The following CTNNB1 variants were observed in gnomAD, a reference collection of about 807,000 sequenced individuals.
CTNNB1 encodes catenin beta-1.
In CTNNB1, 6 loss-of-function variants were observed where a neutral mutation model predicts 82.5. The observed-to-expected ratio is 0.07, with a 90% CI of 0.04 to 0.14. The LOEUF (loss-of-function observed/expected upper bound fraction) is 0.14. Among genes scored for constraint, CTNNB1 ranks in the 10% least tolerant of loss-of-function variants. CTNNB1 has a pLI of 1.00. For synonymous variants in CTNNB1, 312 were observed against 329.7 expected, an observed-to-expected ratio of 0.95 and a Z score of 0.58; for missense variants, 529 against 980.4, an observed-to-expected ratio of 0.54 and a Z score of 6.15.
At chr3:41,206,114 C>G (rs2077642149) in intron 1 of CTNNB1, among the ~76,000 whole-genome samples, 1 of 152,110 alleles carries the variant, frequency 6.6e-6, no homozygotes, top group Non-Finnish European at 1.5e-5. Context: ...TATTTTTTCA[C>G]TAATATCCCC....
At chr3:41,203,381 G>A (rs2077579109) in intron 1 of CTNNB1, among the ~76,000 whole-genome samples, 1 of 152,080 alleles carries the variant, frequency 6.6e-6, no homozygotes, top group Non-Finnish European at 1.5e-5. Flanking sequence ...CAGTAGAAAA[G>A]TCGGGAGGTT....
chr3:41,224,130 G>T, intron 2 of CTNNB1, 49 bp downstream of exon 2: 1 of 1,606,824 alleles, frequency 6.2e-7, no homozygotes, highest in Non-Finnish European at 8.5e-7. Context: ...CTGCTTCGTT[G>T]CCATTAAGCC....
chr3:41,201,915 G>T (rs1371727203), intron 1 of CTNNB1, among the ~76,000 whole-genome samples: 8 of 152,042 alleles, frequency 5.3e-5, no homozygotes, highest in African/African-American at 1.9e-4. Context: ...GGGTCTGTAT[G>T]CTTGTTTTAA....
intron 1 of CTNNB1, among the ~76,000 whole-genome samples, chr3:41,209,494 C>T (rs1304474930): frequency 6.6e-6 from 1 of 152,178 alleles, no homozygotes; most frequent in Non-Finnish European, 1.5e-5. Flanking sequence ...TATCTGAATT[C>T]TCTCTGCAAA....
chr3:41,228,536 T>TAAA (rs1176381639), intron 7 of CTNNB1, among the ~76,000 whole-genome samples: 2 of 152,276 alleles, frequency 1.3e-5, no homozygotes, highest in African/African-American at 2.4e-5. Context: ...AAGTGTCTGT[T>TAAA]CATGTCCTTT....
Position 41,232,136 on chromosome 3 carries a change from CT to C in CTNNB1, c.1082-1195del, listed in dbSNP as rs539840374. Among the ~76,000 whole-genome samples the C allele has an allele frequency of 2.2e-4, 33 of 147,866 alleles. 1 individual carries two copies. The South Asian group carries it at 6.3e-3, about 28-fold the overall frequency. On this transcript the variant is annotated intron_variant, in intron 7 of 14. Coordinates refer to ENST00000349496, the MANE Select transcript of CTNNB1 (RefSeq NM_001904.4). ...GTGCCACAGAGTCATCTGTATGGGA[CT>C]TTTTTTTTTACCCTAGAACTGCTGA...
rs772550053 is a variant in CTNNB1 at position 41,224,685 on chromosome 3, A to G, written c.173A>G (p.Asp58Gly). The G allele has an allele frequency of 4.3e-6, 7 of 1,613,856 alleles. No homozygotes were observed. The change falls in exon 3 of 15, where the codon GAT becomes GGT. Residue 58 changes from aspartate (D) to glycine (G), a missense_variant. This residue lies in a region of CTNNB1 where 411 missense variants were observed against 776.4 expected (regional missense o/e 0.53). Transcript: ENST00000349496. Reference sequence around the variant, plus strand: ...GGCAATCCTGAGGAAGAGGATGTGGATACCTCCCAAGTCCTGTATGAGTGG... The same window carrying G: ...GGCAATCCTGAGGAAGAGGATGTGGGTACCTCCCAAGTCCTGTATGAGTGG... ...GKGNPEEEDV[D>G]TSQVLYEWEQ...
chr3:41,204,907 G>A (rs1320450051), intron 1 of CTNNB1, among the ~76,000 whole-genome samples: 2 of 152,190 alleles, frequency 1.3e-5, no homozygotes, highest in African/African-American at 4.8e-5. Context: ...AGGCACTTGG[G>A]AAATGCCTTG....
intron 7 of CTNNB1, among the ~76,000 whole-genome samples, chr3:41,232,203 G>A (rs2078325273): frequency 1.3e-5 from 2 of 152,096 alleles, no homozygotes; most frequent in African/African-American, 4.8e-5. Flanking sequence ...AGGCCATTCT[G>A]ATGGACATCT....
chr3:41,239,015 G>A (rs1350652568), intron 14 of CTNNB1, 119 bp from the exon 15 acceptor site: 36 of 873,940 alleles, frequency 4.1e-5, no homozygotes, highest in Admixed American at 9.3e-5. Flanking sequence ...GTTGTTTTCT[G>A]ACAAGTTTGC....
Position 41,239,627 on chromosome 3 carries a change from A to AACATTAATAGCAGCCTTTCTCTCTTTAT in CTNNB1, c.*289_*316dup, listed in dbSNP as rs1455758346. The AACATTAATAGCAGCCTTTCTCTCTTTAT allele has an allele frequency of 1.6e-5, 8 of 493,132 alleles. No individual in the cohort carries two copies. The highest frequency in any genetic ancestry group is 1.5e-4 in the African/African-American group (8 of 52,264). 30.5% of individuals were successfully genotyped at this position (493,132 alleles called of 1,614,324 possible). On this transcript the variant is annotated 3_prime_UTR_variant, in exon 15 of 15. Coordinates refer to ENST00000349496, the MANE Select transcript of CTNNB1 (RefSeq NM_001904.4). Reference sequence around the variant, plus strand: ...CAAATGAGTAACATTTGCTGTTTTAAACATTAATAGCAGCCTTTCTCTCTT... The same window carrying AACATTAATAGCAGCCTTTCTCTCTTTAT: ...CAAATGAGTAACATTTGCTGTTTTAAACATTAATAGCAGCCTTTCTCTCTTTATACATTAATAGCAGCCTTTCTCTCTT...
intron 1 of CTNNB1, among the ~76,000 whole-genome samples, chr3:41,200,914 G>A (rs1249547173): frequency 6.6e-6 from 1 of 152,198 alleles, no homozygotes; most frequent in African/African-American, 2.4e-5. Context: ...GGTGAATGAA[G>A]AAAGACTAGG....
intron 1 of CTNNB1, among the ~76,000 whole-genome samples, chr3:41,215,736 G>A (rs1222924889): frequency 6.6e-6 from 1 of 152,114 alleles, no homozygotes; most frequent in Non-Finnish European, 1.5e-5. Context: ...AAGTCATTGA[G>A]TACCTGCCAT....
intron 6 of CTNNB1, among the ~76,000 whole-genome samples, chr3:41,226,256 C>A (rs1575318645): frequency 6.6e-6 from 1 of 152,340 alleles, no homozygotes; most frequent in Non-Finnish European, 1.5e-5. Flanking sequence ...ATGTAAAGCA[C>A]TATGCGAAGT....
Position 41,233,578 on chromosome 3 carries a change from A to G in CTNNB1, c.1235A>G (p.Asp412Gly), listed in dbSNP as rs779273262. The change falls in exon 9 of 15, where the codon GAT becomes GGT. Residue 412 changes from aspartate (D) to glycine (G), a missense_variant. Coordinates refer to ENST00000349496, the MANE Select transcript of CTNNB1 (RefSeq NM_001904.4). Reference sequence around the variant, plus strand: ...ACTCTTGTTCAGCTTCTGGGTTCAGATGATATAAATGTGGTCACCTGTGCA... The same window carrying G: ...ACTCTTGTTCAGCTTCTGGGTTCAGGTGATATAAATGTGGTCACCTGTGCA... ...LGTLVQLLGS[D>G]DINVVTCAAG... 6.2e-7 allele frequency: 1 copy of G among 1,614,182 alleles called. No individual in the cohort carries two copies. The highest frequency in any genetic ancestry group is 1.1e-5 in the South Asian group (1 of 91,082).
intron 1 of CTNNB1, among the ~76,000 whole-genome samples, chr3:41,208,623 C>T (rs2077704014): frequency 6.6e-6 from 1 of 152,182 alleles, no homozygotes; most frequent in Non-Finnish European, 1.5e-5. Context: ...ATTATAATCA[C>T]TTTCTCGTAT....
chr3:41,211,251 T>C (rs993258231), intron 1 of CTNNB1, among the ~76,000 whole-genome samples: 2 of 152,216 alleles, frequency 1.3e-5, no homozygotes, highest in African/African-American at 4.8e-5. Context: ...TATAATCTTA[T>C]GAGACCACTG....
chr3:41,236,636 A>G lies in CTNNB1; in HGVS notation c.2003A>G (p.Gln668Arg), dbSNP rs754160678. ...TTCCGAATGTCTGAGGACAAGCCAC[A>G]AGATTACAAGAAACGGCTTTCAGTT... is the stretch of plus-strand genomic sequence containing the variant. ...VLFRMSEDKP[Q>R]DYKKRLSVEL... Residue 668 changes from glutamine to arginine, a missense_variant, in exon 13 of 15, where the codon CAA (glutamine) becomes CGA (arginine). This residue lies in a region of CTNNB1 where 3 missense variants were observed against 24.6 expected (regional missense o/e 0.12). Coordinates refer to ENST00000349496, the MANE Select transcript of CTNNB1 (RefSeq NM_001904.4). The G allele has an allele frequency of 6.2e-7, 1 of 1,614,244 alleles. No individual in the cohort carries two copies. Among genetic ancestry groups the G allele is most frequent in the Non-Finnish European group, 8.5e-7 (1 of 1,180,040 alleles).
chr3:41,203,719 A>G (rs1425514784), intron 1 of CTNNB1, among the ~76,000 whole-genome samples: 5 of 152,172 alleles, frequency 3.3e-5, no homozygotes, highest in Non-Finnish European at 7.4e-5. Context: ...GTGGGCCATG[A>G]TGAACTGTGT....
Sources: gnomAD v4.1 joint callset for allele counts (sites outside exome capture counted in the v4.1 genomes callset) on GRCh38, gnomAD v4.1.1 for gene constraint, gnomAD v4.1.1 regional missense constraint, MANE v1.5 for transcripts, NCBI Gene and HGNC (gene_info 2026-07-23, HGNC 2026-07-21) for gene names.